The following FBXO43 variants were observed in gnomAD, a reference collection of about 807,000 sequenced individuals.
FBXO43 encodes F-box protein 43, also known as F-box only protein 43.
A neutral mutation model predicts 56.7 loss-of-function variants in FBXO43; 22 were observed. The observed-to-expected ratio is 0.39, with a 90% CI of 0.28 to 0.55. FBXO43 has a LOEUF of 0.55. FBXO43 is among the 20% of genes least tolerant of loss of function. FBXO43 has a pLI of 0.66. For missense variants in FBXO43, 733 were observed against 814.9 expected (o/e 0.90, Z 1.22); for synonymous variants, 306 against 294.5 (o/e 1.04, Z -0.40).
intron 3 of FBXO43, 52 bp downstream of exon 3, chr8:100,137,513 G>A: frequency 8.3e-7 from 1 of 1,210,168 alleles, no homozygotes; most frequent in Non-Finnish European, 1.2e-6. Flanking sequence ...AGCAACATGA[G>A]ATTATTATGT....
intron 1 of FBXO43, 140 bp from the exon 2 acceptor site, chr8:100,142,308 T>C (rs1307597136): frequency 2.5e-6 from 2 of 798,042 alleles, no homozygotes; most frequent in Non-Finnish European, 3.6e-6. Context: ...AAAAAAACAA[T>C]TCTACCCCAT....
Position 100,134,247 on chromosome 8 carries a change from T to C in FBXO43, c.1792A>G (p.Thr598Ala). Reference protein sequence around the residue: ...IPGSQREQGSTLSPWGEVLTP... With the variant: ...IPGSQREQGSALSPWGEVLTP... Reference sequence around the variant, plus strand: ...AAAACTTCTCCCCAGGGAGATAATGTTGACCCTTGCTCTCTCTGAGAACCA... The same window carrying C: ...AAAACTTCTCCCCAGGGAGATAATGCTGACCCTTGCTCTCTCTGAGAACCA... The change falls in exon 4 of 5, where the codon ACA becomes GCA. Residue 598 changes from threonine to alanine, a missense_variant. Thr to Ala is a moderately conservative substitution (Grantham distance 58). Coordinates refer to ENST00000428847, the MANE Select transcript of FBXO43 (RefSeq NM_001029860.4). 2 of 1,614,196 alleles carry C rather than the reference T, an allele frequency of 1.2e-6. No homozygotes were observed.
intron 3 of FBXO43, chr8:100,137,247 A>G (rs1288002718): frequency 5.8e-6 from 1 of 173,308 alleles, no homozygotes; most frequent in Non-Finnish European, 1.2e-5. Context: ...TTTTTAGTAG[A>G]GACAGGGTTT....
Position 100,145,342 on chromosome 8 carries a change from G to A in FBXO43, c.-207C>T, listed in dbSNP as rs1047885279. On this transcript the variant is annotated 5_prime_UTR_variant, in exon 1 of 5. Coordinates refer to ENST00000428847, the MANE Select transcript of FBXO43 (RefSeq NM_001029860.4). ...CTTAATATCCTTGTTTTCTCCAGCT[G>A]GACTTAGACATGAGTAAACTTCCCA... 2.3e-6 allele frequency: 1 copy of A among 429,450 alleles called. No individual in the cohort carries two copies. Among genetic ancestry groups the A allele is most frequent in the Non-Finnish European group, 4.1e-6 (1 of 243,194 alleles). The allele number at this position is 429,450 out of a possible 1,614,324, so 26.6% of individuals were successfully genotyped here. A position where few individuals can be genotyped will look rare whatever the true frequency, so the allele number is the denominator to read the frequency against.
chr8:100,137,476 T>C (rs965746676), intron 3 of FBXO43, 89 bp downstream of exon 3: 30 of 815,518 alleles, frequency 3.7e-5, no homozygotes, highest in Non-Finnish European at 5.4e-5. Context: ...AGGTTAAAGA[T>C]AGCAGGAAAA....
chr8:100,139,447 CA>C (rs1441454692), intron 2 of FBXO43, among the ~76,000 whole-genome samples: 1 of 151,954 alleles, frequency 6.6e-6, no homozygotes, highest in Non-Finnish European at 1.5e-5. Flanking sequence ...AAAAACAAAA[CA>C]AAAAAACCAA....
At chr8:100,143,858 G>C (rs1814732921) in intron 1 of FBXO43, among the ~76,000 whole-genome samples, 3 of 152,142 alleles carry the variant, frequency 2.0e-5, no homozygotes, top group Admixed American at 2.0e-4. Flanking sequence ...TGCAGCCTCT[G>C]CCTCCCGGGT....
chr8:100,138,987 T>G (rs1001603474), intron 2 of FBXO43, among the ~76,000 whole-genome samples: 1 of 152,244 alleles, frequency 6.6e-6, no homozygotes, highest in African/African-American at 2.4e-5. Flanking sequence ...CTGTTTATTA[T>G]CCTACTTAAG....
In FBXO43 at chr8:100,145,284, T is replaced by C; in HGVS notation, c.-149A>G. The C allele has an allele frequency of 2.0e-6, 1 of 493,438 alleles. No individual in the cohort carries two copies. The highest frequency in any genetic ancestry group is 3.4e-5 in the East Asian group (1 of 29,444). 30.6% of individuals were successfully genotyped at this position (493,438 alleles called of 1,614,324 possible). On this transcript the variant is annotated 5_prime_UTR_variant, in exon 1 of 5. Transcript: ENST00000428847. ...ACACTTGAGAAGGTCTAAATCATTT[T>C]GAATTTCCTTCAGCCCTCCAGAAAA...
At chr8:100,137,971 A>T (rs536301583) in intron 2 of FBXO43, among the ~76,000 whole-genome samples, 2 of 152,346 alleles carry the variant, frequency 1.3e-5, no homozygotes, top group East Asian at 3.9e-4. Flanking sequence ...ATGTAACATT[A>T]AAAATTTGGA....
Position 100,133,788 on chromosome 8 carries a change from T to C in FBXO43, c.*14A>G. On this transcript the variant is annotated 3_prime_UTR_variant, in exon 5 of 5. Transcript: ENST00000428847. ...AATAGAACACTGCATGGGGGAGTTC[T>C]ATATTTAGTCTCTTCAGAGGCGTTT... 2.5e-6 allele frequency: 4 copies of C among 1,607,588 alleles called. No homozygotes were observed. The highest frequency in any genetic ancestry group is 3.4e-6 in the Non-Finnish European group (4 of 1,177,380).
Position 100,141,208 on chromosome 8 carries a change from G to A in FBXO43, c.1046C>T (p.Ser349Phe). The change falls in exon 2 of 5, where the codon TCT becomes TTT. Residue 349 changes from serine to phenylalanine, a missense_variant. Physicochemically the swap from Ser to Phe is radical, Grantham distance 155. Transcript: ENST00000428847. ...LSLEKSEDSL[S>F]DQEGSFQELL... ...TTCTTGAAAAGAACCCTCCTGGTCA[G>A]ACAGGGAATCTTCTGATTTCTCCAA... is the stretch of plus-strand genomic sequence containing the variant. 6.2e-7 allele frequency: 1 copy of A among 1,614,162 alleles called. No individual in the cohort carries two copies. Among genetic ancestry groups the A allele is most frequent in the Non-Finnish European group, 8.5e-7 (1 of 1,180,040 alleles).
At chr8:100,136,293 T>C (rs3116072) in intron 3 of FBXO43, among the ~76,000 whole-genome samples, 7,421 of 152,292 alleles carry the variant, frequency 0.049, 537 homozygotes, top group African/African-American at 0.15. Context: ...ATGAGAAACC[T>C]GTCAATCTAT....
chr8:100,136,849 CA>C, intron 3 of FBXO43: 1 of 152,316 alleles, frequency 6.6e-6, no homozygotes, highest in Non-Finnish European at 1.5e-5. Context: ...GTGTGTGCTC[CA>C]AAAGAGCAGG....
In FBXO43 at chr8:100,141,799, C is replaced by G. The variant is rs756295843; in HGVS notation, c.455G>C (p.Cys152Ser). 50 of 1,582,632 alleles carry G rather than the reference C, an allele frequency of 3.2e-5. No homozygotes were observed. The highest frequency in any genetic ancestry group is 6.0e-6 in the Non-Finnish European group (7 of 1,167,800). ...TACATTCAACCTTCTGCGAGGTAAA[C>G]ATTTTTTCCCACTGATTTTAGGTGT... ...CETPKISGKK[C>S]LPRRRLNVSF... The change falls in exon 2 of 5, where the codon TGT becomes TCT. Residue 152 changes from cysteine (C) to serine (S), a missense_variant. Physicochemically the swap from Cys to Ser is moderately radical, Grantham distance 112. Transcript: ENST00000428847.
chr8:100,141,095 G>A lies in FBXO43; in HGVS notation c.1159C>T (p.Leu387Phe). The change falls in exon 2 of 5, where the codon CTT becomes TTT. Residue 387 changes from leucine (L) to phenylalanine (F), a missense_variant. Transcript: ENST00000428847. ...TCTGACTGCGAGCTTTGTTCCCGAAGGGTGGACAGTCTTCTCGACCTTCCA... is the reference window on the plus strand; with the variant it reads ...TCTGACTGCGAGCTTTGTTCCCGAAAGGTGGACAGTCTTCTCGACCTTCCA... ...HLGRSRRLSTLREQSSQSETE... is the reference protein window; with the variant it reads ...HLGRSRRLSTFREQSSQSETE... The A allele has an allele frequency of 1.9e-6, 3 of 1,614,168 alleles. No homozygotes were observed. The highest frequency in any genetic ancestry group is 1.6e-4 in the Middle Eastern group (1 of 6,062).
At chr8:100,148,071 T>C (rs1586358475), upstream of FBXO43, among the ~76,000 whole-genome samples, 1 of 152,350 alleles carries the variant, frequency 6.6e-6, no homozygotes, top group Non-Finnish European at 1.5e-5. Flanking sequence ...TACTCATTTT[T>C]GTTTAATGTC....
rs749136098 is a variant in FBXO43 at position 100,141,079 on chromosome 8, G to A, written c.1175C>T (p.Ser392Leu). Residue 392 changes from serine (S) to leucine (L), a missense_variant, in exon 2 of 5, where the codon TCG becomes TTG. Physicochemically the swap from Ser to Leu is moderately radical, Grantham distance 145. Coordinates refer to ENST00000428847, the MANE Select transcript of FBXO43 (RefSeq NM_001029860.4). The stretch of plus-strand genomic sequence containing the variant: ...CTTTTCCTCTTCTGTCTCTGACTGC[G>A]AGCTTTGTTCCCGAAGGGTGGACAG... The part of the protein sequence containing the change: ...RRLSTLREQS[S>L]QSETEEEKQI... The A allele has an allele frequency of 2.5e-6, 4 of 1,614,106 alleles. No individual in the cohort carries two copies. Among genetic ancestry groups the A allele is most frequent in the Middle Eastern group, 1.6e-4 (1 of 6,062 alleles).
chr8:100,145,354 G>T lies in FBXO43; in HGVS notation c.-219C>A. ...GTTTTCTCCAGCTGGACTTAGACAT[G>T]AGTAAACTTCCCAAATTCGGGTTCC... On this transcript the variant is annotated 5_prime_UTR_variant, in exon 1 of 5. Coordinates refer to ENST00000428847, the MANE Select transcript of FBXO43 (RefSeq NM_001029860.4). The T allele has an allele frequency of 2.5e-6, 1 of 405,678 alleles. No individual in the cohort carries two copies. Among genetic ancestry groups the T allele is most frequent in the Non-Finnish European group, 4.4e-6 (1 of 228,756 alleles). 25.1% of individuals were successfully genotyped at this position (405,678 alleles called of 1,614,324 possible). A position where few individuals can be genotyped will look rare whatever the true frequency, so the allele number is the denominator to read the frequency against.
Sources: gnomAD v4.1 joint callset for allele counts (sites outside exome capture counted in the v4.1 genomes callset) on GRCh38, gnomAD v4.1.1 for gene constraint, MANE v1.5 for transcripts, NCBI Gene and HGNC (gene_info 2026-07-23, HGNC 2026-07-21) for gene names.